The following CNTNAP2 variants were observed in gnomAD, a reference collection of about 807,000 sequenced individuals.
CNTNAP2 encodes the protein contactin-associated protein-like 2.
CNTNAP2 carries 98 observed loss-of-function variants against 155.2 expected under a neutral mutation model. That is an observed-to-expected ratio of 0.63 (90% CI 0.54 to 0.75). CNTNAP2 has a LOEUF of 0.75. Ranked by LOEUF, CNTNAP2 falls within the 30% of genes least tolerant of loss-of-function variation. CNTNAP2 has a pLI of 0.00. For missense variants in CNTNAP2, 1,727 were observed against 1,688.1 expected, an observed-to-expected ratio of 1.02 and a Z score of -0.40; for synonymous variants, 651 against 631.2, an observed-to-expected ratio of 1.03 and a Z score of -0.47.
rs770048630 is a variant in CNTNAP2 at position 146,177,820 on chromosome 7, T to G, written c.97+60847T>G. On this transcript the variant is annotated intron_variant, in intron 1 of 23. Transcript: ENST00000361727. ...CTCATGATCTTTCTTTGCTATTCATTTTATTTATTTTTACTTTCCTACATA... is the reference window on the plus strand; with the variant it reads ...CTCATGATCTTTCTTTGCTATTCATGTTATTTATTTTTACTTTCCTACATA... 2.6e-4 allele frequency among the ~76,000 whole-genome samples: 40 copies of G among 152,308 alleles called. 2 individuals are homozygous for G. In the Middle Eastern group the frequency reaches 0.031, roughly 117 times the overall value.
At chr7:147,140,872 G>A (rs1176762566) in intron 8 of CNTNAP2, among the ~76,000 whole-genome samples, 1 of 152,088 alleles carries the variant, frequency 6.6e-6, no homozygotes, top group Non-Finnish European at 1.5e-5. Flanking sequence ...TCTCTTTTGT[G>A]CTCCCTCAGA....
intron 21 of CNTNAP2, among the ~76,000 whole-genome samples, chr7:148,362,844 A>T (rs1455534249): frequency 1.3e-5 from 2 of 152,214 alleles, no homozygotes; most frequent in African/African-American, 4.8e-5. Flanking sequence ...CCAACTTATG[A>T]TGGTGCAACT....
chr7:146,880,641 C>T (rs933262453), intron 3 of CNTNAP2, among the ~76,000 whole-genome samples: 2 of 151,974 alleles, frequency 1.3e-5, no homozygotes, highest in African/African-American at 2.4e-5. Context: ...CCAACTAAAC[C>T]ATTTAAGGAG....
intron 8 of CNTNAP2, among the ~76,000 whole-genome samples, chr7:147,170,269 T>C (rs1282254355): frequency 1.3e-5 from 2 of 152,082 alleles, no homozygotes; most frequent in Non-Finnish European, 2.9e-5. Context: ...TTTAGAGCTA[T>C]GGGTGGTAGA....
intron 10 of CNTNAP2, among the ~76,000 whole-genome samples, chr7:147,434,279 T>C (rs1369874168): frequency 5.3e-5 from 8 of 152,176 alleles, no homozygotes; most frequent in African/African-American, 1.9e-4. Flanking sequence ...TTCTTCAGTT[T>C]AAAGTAGATA....
intron 13 of CNTNAP2, among the ~76,000 whole-genome samples, chr7:147,685,394 C>A (rs1584899060): frequency 6.6e-6 from 1 of 151,938 alleles, no homozygotes; most frequent in South Asian, 2.1e-4. Flanking sequence ...GACTTGACTT[C>A]TCTTGGAAAT....
chr7:148,334,762 G>A (rs1483575333), intron 21 of CNTNAP2, among the ~76,000 whole-genome samples: 1 of 152,226 alleles, frequency 6.6e-6, no homozygotes, highest in African/African-American at 2.4e-5. Context: ...CTTTGTACCA[G>A]AGGGGAGGGC....
chr7:146,706,349 G>A (rs533726719), intron 1 of CNTNAP2, among the ~76,000 whole-genome samples: 1 of 152,106 alleles, frequency 6.6e-6, no homozygotes, highest in Non-Finnish European at 1.5e-5. Context: ...AAGAAAGTAA[G>A]TGAATATAAT....
chr7:146,935,391 A>T (rs912854851), intron 3 of CNTNAP2, among the ~76,000 whole-genome samples: 1 of 152,202 alleles, frequency 6.6e-6, no homozygotes. Flanking sequence ...AGCCCAATGT[A>T]GGTGAGAGAC....
At chr7:147,551,645 T>A (rs1318804813) in intron 11 of CNTNAP2, among the ~76,000 whole-genome samples, 1 of 152,186 alleles carries the variant, frequency 6.6e-6, no homozygotes, top group African/African-American at 2.4e-5. Flanking sequence ...GGAAGTTCCT[T>A]ATCCTGAACC....
chr7:148,337,134 G>A (rs1035877874), intron 21 of CNTNAP2, among the ~76,000 whole-genome samples: 14 of 152,052 alleles, frequency 9.2e-5, no homozygotes, highest in Admixed American at 9.2e-4. Context: ...TCAACACGGG[G>A]GACACTTCAC....
intron 13 of CNTNAP2, among the ~76,000 whole-genome samples, chr7:147,894,946 TTTCTTTCTTTCTTTCTTTC>T (rs1353465789): frequency 2.5e-5 from 2 of 80,264 alleles, no homozygotes; most frequent in Non-Finnish European, 4.3e-5. Flanking sequence ...TTTTTCTTTC[TTTCTTTCTTTCTTTCTTTC>T]TTTTTTTTTT....
At chr7:148,227,935 G>GT in intron 19 of CNTNAP2, among the ~76,000 whole-genome samples, 1 of 145,842 alleles carries the variant, frequency 6.9e-6, no homozygotes, top group African/African-American at 2.6e-5. Context: ...GTGTGTGTGT[G>GT]AAAGTCTGGA....
At chr7:148,017,748 A>G (rs1048939610) in intron 15 of CNTNAP2, among the ~76,000 whole-genome samples, 1 of 152,230 alleles carries the variant, frequency 6.6e-6, no homozygotes, top group Non-Finnish European at 1.5e-5. Context: ...TGTAACAGTA[A>G]TTTAAAAACT....
chr7:146,525,600 A>G (rs985506287), intron 1 of CNTNAP2, among the ~76,000 whole-genome samples: 1 of 150,094 alleles, frequency 6.7e-6, no homozygotes, highest in Non-Finnish European at 1.5e-5. Context: ...TCTATCTATC[A>G]TCTTGATGTA....
At chr7:147,886,475 C>CAAAAAAAAAAAAAAAAAAAAAA (rs532837902) in intron 13 of CNTNAP2, among the ~76,000 whole-genome samples, 1 of 39,736 alleles carries the variant, frequency 2.5e-5, no homozygotes, top group African/African-American at 1.1e-4. Context: ...AACTCCATCT[C>CAAAAAAAAAAAAAAAAAAAAAA]AAAAAAAAAA....
At chr7:147,053,789 C>A (rs1464136913) in intron 4 of CNTNAP2, among the ~76,000 whole-genome samples, 1 of 151,980 alleles carries the variant, frequency 6.6e-6, no homozygotes, top group Non-Finnish European at 1.5e-5. Flanking sequence ...TATATATACA[C>A]ATTTTGGTGC....
At chr7:147,027,504 A>T (rs1044472719) in intron 3 of CNTNAP2, among the ~76,000 whole-genome samples, 1 of 152,258 alleles carries the variant, frequency 6.6e-6, no homozygotes, top group African/African-American at 2.4e-5. Flanking sequence ...AACAAAACAT[A>T]GGGTGATAAT....
chr7:146,341,476 A>G (rs769495587), intron 1 of CNTNAP2, among the ~76,000 whole-genome samples: 3 of 152,168 alleles, frequency 2.0e-5, no homozygotes, highest in Non-Finnish European at 4.4e-5. Context: ...GATGCATGCA[A>G]TGTATCAGCA....
Sources: allele counts gnomAD v4.1 joint callset (sites outside exome capture counted in the v4.1 genomes callset), GRCh38; gene constraint gnomAD v4.1.1; transcripts MANE v1.5; gene names NCBI Gene and HGNC (gene_info 2026-07-23, HGNC 2026-07-21).